Variants in NINL observed in about 807,000 individuals in gnomAD.
NINL encodes the protein ninein-like protein.
In NINL, 153 loss-of-function variants were observed where a neutral mutation model predicts 160.3. That is an observed-to-expected ratio of 0.95 (90% CI 0.84 to 1.09). The LOEUF is 1.09. NINL is among the 50% of genes least tolerant of loss of function. The pLI is 0.00. For missense variants in NINL, 1,829 were observed against 1,764.0 expected (o/e 1.04, Z -0.66); for synonymous variants, 800 against 734.8 (o/e 1.09, Z -1.43).
chr20:25,468,441 C>T (rs1267806060), intron 18 of NINL, among the ~76,000 whole-genome samples: 10 of 148,604 alleles, frequency 6.7e-5, no homozygotes, highest in Admixed American at 2.0e-4. Flanking sequence ...CTGACTCTCA[C>T]TGGTGGGCAC....
In NINL at chr20:25,461,613, C is replaced by CT. The variant is rs1367285794; in HGVS notation, c.3604dup (p.Arg1202LysfsTer3). ...CTGATTCAGGCATTCAAGTTCAACT[C>CT]TAAGTTTTTGGATTTGGTCACTCTG... On this transcript the variant is annotated frameshift_variant, in exon 21 of 24. Transcript: ENST00000278886. LOFTEE classifies it high-confidence loss of function. 16 of 1,612,874 alleles carry CT rather than the reference C, an allele frequency of 9.9e-6. No individual in the cohort carries two copies. The highest frequency in any genetic ancestry group is 5.3e-5 in the African/African-American group (4 of 74,848).
intron 1 of NINL, among the ~76,000 whole-genome samples, chr20:25,551,366 G>A (rs117144508): frequency 0.01 from 1,578 of 151,304 alleles, 6 homozygotes; most frequent in Non-Finnish European, 0.017. Flanking sequence ...GCGAGACTCC[G>A]TCTCAAATAA....
chr20:25,584,402 G>C (rs1286519518), intron 1 of NINL, among the ~76,000 whole-genome samples: 1 of 152,262 alleles, frequency 6.6e-6, no homozygotes, highest in Admixed American at 6.5e-5. Context: ...AGAGGTTGCA[G>C]TGAGCCGAGA....
rs374726102 is a variant in NINL, at chr20:25,504,957, G to A, written c.639C>T (p.Ser213=). ...GVWEELGVGS[S]GHLSEQELAV... ...CCAGCTCCTGCTCGCTCAGGTGTCC[G>A]CTGCTGCCCACCCCCAGCTCTTCCC... Residue 213 remains serine (S), a synonymous_variant, in exon 6 of 24, where the codon AGC becomes AGT. Transcript: ENST00000278886. 1.1e-5 allele frequency: 18 copies of A among 1,612,976 alleles called. No homozygotes were observed. The highest frequency in any genetic ancestry group is 9.4e-5 in the African/African-American group (7 of 74,866).
At chr20:25,497,747 G>A (rs376365751) in intron 9 of NINL, among the ~76,000 whole-genome samples, 3 of 152,202 alleles carry the variant, frequency 2.0e-5, no homozygotes, top group Non-Finnish European at 2.9e-5. Flanking sequence ...GCCCCCTGGC[G>A]CGAGAGGCAG....
At chr20:25,559,949 T>C (rs1055573863) in intron 1 of NINL, among the ~76,000 whole-genome samples, 1 of 152,036 alleles carries the variant, frequency 6.6e-6, no homozygotes, top group African/African-American at 2.4e-5. Flanking sequence ...GATTGATTGA[T>C]TGAGACAGGG....
At chr20:25,510,789 G>A (rs539177417) in intron 4 of NINL, 49 bp from the exon 5 acceptor site, 1 of 1,406,372 alleles carries the variant, frequency 7.1e-7, no homozygotes, top group Admixed American at 1.7e-5. Context: ...GGGTGCTGCT[G>A]GGGACGGAGC....
chr20:25,489,149 C>T, intron 13 of NINL, 95 bp downstream of exon 13: 4 of 1,192,070 alleles, frequency 3.4e-6, no homozygotes, highest in Middle Eastern at 1.9e-4. Context: ...GAGGCTCTCC[C>T]TGGAGCAGAC....
At position 25,530,281 on chromosome 20, in the gene NINL, TATA is replaced by T. The variant is rs2064434038; in HGVS notation, c.-11-3686_-11-3684del. Among the ~76,000 whole-genome samples the T allele has an allele frequency of 2.0e-5, 3 of 152,286 alleles. No individual in the cohort carries two copies. The South Asian group carries it at 6.2e-4, about 32-fold the overall frequency. ...AGACACACATGTATTTTCACATAAG[TATA>T]ATAAGTATAACACTGAACACATTAT... On this transcript the variant is annotated intron_variant, in intron 1 of 23. Transcript: ENST00000278886.
Position 25,531,259 on chromosome 20 carries a change from C to T in NINL, c.-11-4661G>A, listed in dbSNP as rs199688173. On this transcript the variant is annotated intron_variant, in intron 1 of 23. Transcript: ENST00000278886. ...TTGCTGTTATCCTGTTCTTTTTTCA[C>T]GGTGCCCAGATTTCATATTGTTCAA... Among the ~76,000 whole-genome samples the T allele has an allele frequency of 5.9e-5, 9 of 152,122 alleles. No individual in the cohort carries two copies. In the South Asian group the frequency reaches 1.0e-3, roughly 18 times the overall value.
In NINL at chr20:25,476,866, ACTC is replaced by A. The variant is rs373666691; in HGVS notation, c.2422_2424del (p.Glu808del). On this transcript the variant is annotated inframe_deletion, in exon 17 of 24. Transcript: ENST00000278886. ...ACTCGCTTCCCGCGGGCAAGCTCCA[ACTC>A]CTCCTCCTCGAGGGCCAACGATACG... The A allele has an allele frequency of 4.9e-5, 79 of 1,612,532 alleles. No homozygotes were observed. The highest frequency in any genetic ancestry group is 4.0e-4 in the African/African-American group (30 of 74,704).
intron 1 of NINL, among the ~76,000 whole-genome samples, chr20:25,561,901 T>TG (rs1301761558): frequency 6.9e-6 from 1 of 145,726 alleles, no homozygotes; most frequent in African/African-American, 2.6e-5. Flanking sequence ...GGAAGGGAGG[T>TG]GGGGGTCAGC....
chr20:25,561,928 G>A (rs376895607), intron 1 of NINL, among the ~76,000 whole-genome samples: 48 of 149,176 alleles, frequency 3.2e-4, no homozygotes, highest in African/African-American at 1.0e-3. Context: ...CAGGCCAGCC[G>A]CCCCGTCCGG....
intron 1 of NINL, among the ~76,000 whole-genome samples, chr20:25,580,348 A>AT (rs780653243): frequency 0.094 from 14,091 of 150,620 alleles, 657 homozygotes; most frequent in Non-Finnish European, 0.1. Context: ...AAAAAAAAAA[A>AT]TGTAATGATT....
rs764275880 is a variant in NINL at position 25,481,107 on chromosome 20, AT to A, written c.1811-841del. Among the ~76,000 whole-genome samples the A allele has an allele frequency of 3.8e-4, 58 of 151,378 alleles. No individual in the cohort carries two copies. The East Asian group carries it at 0.011, about 28-fold the overall frequency. The stretch of plus-strand genomic sequence containing the variant: ...CCCTATGAGGTTCCCATATTGGCCT[AT>A]TTTTTTTTATTTCATTGAGTAAACA... On this transcript the variant is annotated intron_variant, in intron 14 of 23. Coordinates refer to ENST00000278886, the MANE Select transcript of NINL (RefSeq NM_025176.6).
intron 14 of NINL, among the ~76,000 whole-genome samples, chr20:25,481,550 G>A (rs867751860): frequency 5.7e-4 from 87 of 152,112 alleles, no homozygotes; most frequent in African/African-American, 2.1e-3. Flanking sequence ...CAGACTTGGG[G>A]GGTGGTGCCA....
intron 11 of NINL, 66 bp from the exon 12 acceptor site, chr20:25,490,051 G>A: frequency 7.2e-7 from 1 of 1,390,140 alleles, no homozygotes; most frequent in Admixed American, 1.7e-5. Context: ...GCAGGATGGA[G>A]GTGAGAGGCT....
intron 2 of NINL, 62 bp from the exon 3 acceptor site, chr20:25,517,911 T>A: frequency 3.9e-6 from 4 of 1,028,854 alleles, no homozygotes; most frequent in South Asian, 3.4e-5. Context: ...AATTCAAAAG[T>A]GACTCTTTTG....
chr20:25,457,194 C>T (rs1028511600), intron 22 of NINL, among the ~76,000 whole-genome samples: 5 of 150,078 alleles, frequency 3.3e-5, no homozygotes, highest in Non-Finnish European at 5.9e-5. Flanking sequence ...CATGGTGATG[C>T]GTGCCTGTAG....
Sources: allele counts gnomAD v4.1 joint callset (sites outside exome capture counted in the v4.1 genomes callset), GRCh38; gene constraint gnomAD v4.1.1; transcripts MANE v1.5; gene names NCBI Gene and HGNC (gene_info 2026-07-23, HGNC 2026-07-21).